The following RIT2 variants were observed in gnomAD, a reference collection of about 807,000 sequenced individuals.
RIT2 encodes Ras like without CAAX 2.
Under a neutral mutation model 23.7 loss-of-function variants are expected in RIT2, and 24 were observed. The observed-to-expected ratio is 1.01, with a 90% CI of 0.73 to 1.43. The LOEUF (loss-of-function observed/expected upper bound fraction) is 1.43. Among genes scored for constraint, RIT2 ranks in the 40% most tolerant of loss-of-function variants. The pLI is 0.00. For synonymous variants in RIT2, 107 were observed against 91.1 expected, an observed-to-expected ratio of 1.17 and a Z score of -0.99; for missense variants, 236 against 266.9, an observed-to-expected ratio of 0.88 and a Z score of 0.81.
At chr18:42,749,021 T>G (rs1360703959) in intron 4 of RIT2, among the ~76,000 whole-genome samples, 1 of 151,978 alleles carries the variant, frequency 6.6e-6, no homozygotes, top group South Asian at 2.1e-4. Context: ...CAACATGTCA[T>G]AGCTAACAAA....
intron 4 of RIT2, among the ~76,000 whole-genome samples, chr18:42,776,541 T>A (rs2143924356): frequency 6.6e-6 from 1 of 152,308 alleles, no homozygotes; most frequent in South Asian, 2.1e-4. Flanking sequence ...TTTATCAATA[T>A]CAAATATCTT....
At chr18:42,950,190 C>T (rs1379658170) in intron 3 of RIT2, among the ~76,000 whole-genome samples, 2 of 151,988 alleles carry the variant, frequency 1.3e-5, no homozygotes, top group African/African-American at 4.8e-5. Context: ...TATCATGGTA[C>T]TGGTACAAAA....
chr18:43,030,808 G>A (rs1019716970), intron 2 of RIT2, among the ~76,000 whole-genome samples: 2 of 152,110 alleles, frequency 1.3e-5, no homozygotes, highest in East Asian at 1.9e-4. Context: ...CTGGTGGATC[G>A]GGTGCTTTAC....
intron 3 of RIT2, among the ~76,000 whole-genome samples, chr18:42,963,910 G>C (rs1292311160): frequency 6.6e-6 from 1 of 150,672 alleles, no homozygotes; most frequent in East Asian, 2.0e-4. Context: ...AATAATAACA[G>C]GCTGGGCATG....
At chr18:42,980,970 T>G (rs1910585073) in intron 2 of RIT2, among the ~76,000 whole-genome samples, 1 of 152,178 alleles carries the variant, frequency 6.6e-6, no homozygotes, top group Admixed American at 6.5e-5. Flanking sequence ...GTCTCTCATA[T>G]GTTAGAAACA....
intron 4 of RIT2, among the ~76,000 whole-genome samples, chr18:42,764,878 C>A (rs1913384837): frequency 6.6e-6 from 1 of 152,168 alleles, no homozygotes; most frequent in Non-Finnish European, 1.5e-5. Flanking sequence ...ATTTGTGATG[C>A]AGTCTTACTT....
chr18:42,886,845 G>A (rs182155427), intron 4 of RIT2, among the ~76,000 whole-genome samples: 138 of 152,176 alleles, frequency 9.1e-4, no homozygotes, highest in Admixed American at 1.2e-3. Flanking sequence ...AATTCTTTGG[G>A]TTAGAAACAA....
intron 4 of RIT2, among the ~76,000 whole-genome samples, chr18:42,907,850 A>G (rs533297848): frequency 6.6e-6 from 1 of 152,084 alleles, no homozygotes; most frequent in Non-Finnish European, 1.5e-5. Context: ...GTGTGATGGC[A>G]TGTGCCTGTA....
chr18:42,828,336 A>C (rs553154629), intron 4 of RIT2, among the ~76,000 whole-genome samples: 6 of 152,240 alleles, frequency 3.9e-5, no homozygotes, highest in Non-Finnish European at 7.3e-5. Context: ...TAACAATAGA[A>C]TATTTCATTG....
intron 1 of RIT2, among the ~76,000 whole-genome samples, chr18:43,094,153 G>A (rs763336805): frequency 1.1e-4 from 14 of 132,250 alleles, no homozygotes; most frequent in Non-Finnish European, 1.9e-4. Flanking sequence ...CTTTGCCTCA[G>A]GCTCCAATAT....
chr18:42,841,040 C>A (rs367779335), intron 4 of RIT2, among the ~76,000 whole-genome samples: 3 of 151,950 alleles, frequency 2.0e-5, no homozygotes, highest in Non-Finnish European at 2.9e-5. Context: ...TATAAGCTAG[C>A]GAGCAGGCAG....
intron 4 of RIT2, among the ~76,000 whole-genome samples, chr18:42,811,545 C>T (rs1010235840): frequency 6.6e-6 from 1 of 151,966 alleles, no homozygotes; most frequent in African/African-American, 2.4e-5. Context: ...CCATATTTAG[C>T]TTCCTTAATG....
chr18:42,954,696 G>T (rs1295199122), intron 3 of RIT2, among the ~76,000 whole-genome samples: 1 of 151,926 alleles, frequency 6.6e-6, no homozygotes, highest in Non-Finnish European at 1.5e-5. Context: ...GTCTGAATGA[G>T]ATTTGTACAT....
chr18:42,790,959 C>G (rs1310512860), intron 4 of RIT2, among the ~76,000 whole-genome samples: 1 of 152,166 alleles, frequency 6.6e-6, no homozygotes, highest in African/African-American at 2.4e-5. Context: ...CTGGGTGATT[C>G]CATTCTTGGC....
intron 3 of RIT2, among the ~76,000 whole-genome samples, chr18:42,929,034 G>GATATATATATATTAT (rs1555647358): frequency 8.3e-5 from 8 of 96,956 alleles, no homozygotes; most frequent in African/African-American, 3.2e-4. Context: ...AAAATATGGA[G>GATATATATATATTAT]ATATATATAT....
chr18:42,859,270 G>T (rs973832310), intron 4 of RIT2, among the ~76,000 whole-genome samples: 1 of 152,112 alleles, frequency 6.6e-6, no homozygotes, highest in African/African-American at 2.4e-5. Flanking sequence ...CTGATGTCTC[G>T]TGGTTTTGAT....
At chr18:43,071,043 G>A (rs1912885621) in intron 1 of RIT2, among the ~76,000 whole-genome samples, 1 of 152,108 alleles carries the variant, frequency 6.6e-6, no homozygotes, top group Admixed American at 6.6e-5. Flanking sequence ...TGTTTTCATG[G>A]CTTCAAAGTG....
intron 2 of RIT2, among the ~76,000 whole-genome samples, chr18:43,017,243 A>T (rs1159976997): frequency 6.6e-6 from 1 of 152,002 alleles, no homozygotes; most frequent in African/African-American, 2.4e-5. Flanking sequence ...TACGCTTAAA[A>T]TAGCTTTTAC....
At chr18:42,851,230 C>T (rs1002566245) in intron 4 of RIT2, among the ~76,000 whole-genome samples, 1 of 152,188 alleles carries the variant, frequency 6.6e-6, no homozygotes, top group African/African-American at 2.4e-5. Context: ...TGCAGAGCTA[C>T]TTGATACTTT....
Sources: allele counts gnomAD v4.1 joint callset (sites outside exome capture counted in the v4.1 genomes callset), GRCh38; gene constraint gnomAD v4.1.1; transcripts MANE v1.5; gene names NCBI Gene and HGNC (gene_info 2026-07-23, HGNC 2026-07-21).